Variants in BACE1 observed in about 807,000 individuals in gnomAD.
BACE1 encodes APP beta-secretase.
A neutral mutation model predicts 54.0 loss-of-function variants in BACE1; 21 were observed. The observed-to-expected ratio is 0.39, with a 90% CI of 0.28 to 0.56. The LOEUF (loss-of-function observed/expected upper bound fraction) is 0.56. Ranked by LOEUF, BACE1 falls within the 20% of genes least tolerant of loss-of-function variation. BACE1 has a pLI of 0.63. For synonymous variants in BACE1, 232 were observed against 260.9 expected (o/e 0.89, Z 1.07); for missense variants, 511 against 661.2 (o/e 0.77, Z 2.49).
At chr11:117,295,512 T>C in intron 2 of BACE1, 165 bp from the exon 3 acceptor site, 1 of 1,535,050 alleles carries the variant, frequency 6.5e-7, no homozygotes, top group Non-Finnish European at 8.7e-7. Flanking sequence ...CAGAACAGAG[T>C]GTAAAGTGGG....
Position 117,293,904 on chromosome 11 carries a change from C to T in BACE1, c.672G>A (p.Gln224=), listed in dbSNP as rs1232841467. ...CTCCGACAGAGGCCAGCACTTCAGA[C>T]TGGTTGAGGGGGAAGCCAGCACCAC... ...QLCGAGFPLN[Q]SEVLASVGGS... The change falls in exon 4 of 9, where the codon CAG becomes CAA. Residue 224 remains glutamine, a synonymous_variant. Transcript: ENST00000313005. The surrounding 1 kb of genome is among the most constrained non-coding windows in gnomAD (Gnocchi z 4.1). The T allele has an allele frequency of 6.2e-7, 1 of 1,613,742 alleles. No individual in the cohort carries two copies. The highest frequency in any genetic ancestry group is 8.5e-7 in the Non-Finnish European group (1 of 1,179,860).
intron 1 of BACE1, among the ~76,000 whole-genome samples, chr11:117,306,461 C>A (rs1209759595): frequency 6.6e-6 from 1 of 152,140 alleles, no homozygotes; most frequent in African/African-American, 2.4e-5. Context: ...TTGGGAGATG[C>A]TAGAACTCAC....
intron 1 of BACE1, among the ~76,000 whole-genome samples, chr11:117,311,235 C>T (rs2034937316): frequency 6.6e-6 from 1 of 152,066 alleles, no homozygotes; most frequent in South Asian, 2.1e-4. Context: ...CCAAGTTACT[C>T]AGGAGCCTGA....
rs1330456602 is a variant in BACE1, at chr11:117,295,234, GT to G, written c.463del (p.Thr155LeufsTer48). 6.2e-7 allele frequency: 1 copy of G among 1,614,122 alleles called. No individual in the cohort carries two copies. Among genetic ancestry groups the G allele is most frequent in the Non-Finnish European group, 8.5e-7 (1 of 1,180,046 alleles). Reference protein sequence around the residue: ...LVSIPHGPNVTVRANIAAITE... With the variant: ...LVSIPHGPNVXVRANIAAITE... ...GATGGCAGCAATGTTGGCACGCACAGTGACGTTGGGGCCATGGGGGATGCTT... is the reference window on the plus strand; with the variant it reads ...GATGGCAGCAATGTTGGCACGCACAGGACGTTGGGGCCATGGGGGATGCTT... On this transcript the variant is annotated frameshift_variant, in exon 3 of 9. Coordinates refer to ENST00000313005, the MANE Select transcript of BACE1 (RefSeq NM_012104.6). LOFTEE classifies it high-confidence loss of function.
At chr11:117,299,778 G>C (rs2034681664) in intron 1 of BACE1, 1 of 287,340 alleles carries the variant, frequency 3.5e-6, no homozygotes, top group South Asian at 2.7e-5. Context: ...GATTAAGAAG[G>C]CTTCTTCACC....
Position 117,291,737 on chromosome 11 carries a change from A to G in BACE1, c.917T>C (p.Val306Ala), listed in dbSNP as rs1275924663. The stretch of plus-strand genomic sequence containing the variant: ...GGAGGAGGCTGCCTTGATGGATTTG[A>G]CTGCAGCTTCAAACACTTTCTTGGG... ...RLPKKVFEAA[V>A]KSIKAASSTE... is the part of the protein sequence containing the mutation. Residue 306 changes from valine (V) to alanine (A), a missense_variant, in exon 6 of 9, where the codon GTC (valine) becomes GCC (alanine). Physicochemically the swap from Val to Ala is moderately conservative, Grantham distance 64. Around this residue, in one of 2 missense-constraint regions of BACE1, gnomAD observed 407 missense variants for 565.7 expected, o/e 0.72. Coordinates refer to ENST00000313005, the MANE Select transcript of BACE1 (RefSeq NM_012104.6). The G allele has an allele frequency of 6.2e-7, 1 of 1,613,276 alleles. No homozygotes were observed. The highest frequency in any genetic ancestry group is 1.3e-5 in the African/African-American group (1 of 74,882).
chr11:117,304,471 GA>G (rs1371182637), intron 1 of BACE1, among the ~76,000 whole-genome samples: 3 of 152,210 alleles, frequency 2.0e-5, no homozygotes, highest in Non-Finnish European at 4.4e-5. Flanking sequence ...CAAACTATCT[GA>G]ATTAAATCCT....
Position 117,295,138 on chromosome 11 carries a change from A to G in BACE1, c.560T>C (p.Ile187Thr). 6.2e-7 allele frequency: 1 copy of G among 1,614,026 alleles called. No homozygotes were observed. The highest frequency in any genetic ancestry group is 8.5e-7 in the Non-Finnish European group (1 of 1,179,960). The change falls in exon 3 of 9, where the codon ATT (isoleucine) becomes ACT (threonine). Residue 187 changes from isoleucine to threonine, a missense_variant. By Grantham distance (89) the Ile-to-Thr change is moderately conservative. Coordinates refer to ENST00000313005, the MANE Select transcript of BACE1 (RefSeq NM_012104.6). ...EGILGLAYAEIARPDDSLEPF... is the reference protein window; with the variant it reads ...EGILGLAYAETARPDDSLEPF... ...AAGCCCTGTTCCTCTCACCCTGGCA[A>G]TCTCAGCATAGGCCAGCCCCAGGAT...
At chr11:117,290,682 TGA>T in intron 7 of BACE1, 23 bp from the exon 8 acceptor site, 1 of 1,611,978 alleles carries the variant, frequency 6.2e-7, no homozygotes, top group Admixed American at 1.7e-5. Flanking sequence ...AATCACAGGG[TGA>T]GTGTCTTCCT....
Position 117,286,358 on chromosome 11 carries a change from A to C in BACE1, c.*3208T>G, listed in dbSNP as rs2034260505. 6.6e-6 allele frequency: 1 copy of C among 152,188 alleles called. No homozygotes were observed. Among genetic ancestry groups the C allele is most frequent in the African/African-American group, 2.4e-5 (1 of 41,442 alleles). 9.4% of individuals were successfully genotyped at this position (152,188 alleles called of 1,614,324 possible). On this transcript the variant is annotated 3_prime_UTR_variant, in exon 9 of 9. Transcript: ENST00000313005. The stretch of plus-strand genomic sequence containing the variant: ...TTATACCTGGGAAAGCTGTGACTCT[A>C]TTAGAGCTTTGAATCTTTTCCTATC...
In BACE1 at chr11:117,293,036, C is replaced by T. The variant is rs750492602; in HGVS notation, c.840+18G>A. The T allele has an allele frequency of 1.9e-6, 3 of 1,613,124 alleles. No homozygotes were observed. The highest frequency in any genetic ancestry group is 1.1e-5 in the South Asian group (1 of 90,856). ...GCCTACCCCCTTATGTTCCCAGGCT[C>T]TCCCTTGGTTTTCTTACCTCCTTGC... On this transcript the variant is annotated intron_variant, in intron 5 of 8. Coordinates refer to ENST00000313005, the MANE Select transcript of BACE1 (RefSeq NM_012104.6). This position sits in a 1 kb window ranked among gnomAD's most constrained non-coding sequence, Gnocchi z 4.1.
intron 1 of BACE1, among the ~76,000 whole-genome samples, chr11:117,310,130 A>C (rs2034913861): frequency 6.6e-6 from 1 of 152,124 alleles, no homozygotes; most frequent in Non-Finnish European, 1.5e-5. Context: ...GCTGGTCTCC[A>C]ATTCCCAGCC....
At chr11:117,297,660 T>C (rs1043376936) in intron 1 of BACE1, among the ~76,000 whole-genome samples, 2 of 151,906 alleles carry the variant, frequency 1.3e-5, no homozygotes, top group African/African-American at 2.4e-5. Flanking sequence ...AAAATAGTTA[T>C]GGGAGGGATA....
intron 1 of BACE1, among the ~76,000 whole-genome samples, chr11:117,300,919 CCTCT>C (rs570995839): frequency 6.6e-6 from 1 of 151,998 alleles, no homozygotes; most frequent in African/African-American, 2.4e-5. Flanking sequence ...CCTCCAGTCC[CCTCT>C]CTCCTCTCCC....
In BACE1 at chr11:117,295,194, C is replaced by T; in HGVS notation, c.504G>A (p.Lys168=). The change falls in exon 3 of 9, where the codon AAG becomes AAA. Residue 168 remains lysine, a synonymous_variant. Coordinates refer to ENST00000313005, the MANE Select transcript of BACE1 (RefSeq NM_012104.6). The part of the protein sequence containing the change: ...ANIAAITESD[K]FFINGSNWEG... Reference sequence around the variant, plus strand: ...CCCAGTTGGAGCCGTTGATGAAGAACTTGTCTGATTCAGTGATGGCAGCAA... The same window carrying T: ...CCCAGTTGGAGCCGTTGATGAAGAATTTGTCTGATTCAGTGATGGCAGCAA... The T allele has an allele frequency of 1.2e-6, 2 of 1,614,194 alleles. No homozygotes were observed. The highest frequency in any genetic ancestry group is 1.7e-6 in the Non-Finnish European group (2 of 1,180,036).
rs528722309 is a variant in BACE1, at chr11:117,287,443, CTT to C, written c.*2121_*2122del. 6.6e-6 allele frequency: 1 copy of C among 152,336 alleles called. No individual in the cohort carries two copies. Among genetic ancestry groups the C allele is most frequent in the Non-Finnish European group, 1.5e-5 (1 of 67,964 alleles). The allele number at this position is 152,336 out of a possible 1,614,324, so 9.4% of individuals were successfully genotyped here. ...TACAAGCAAGAAGCTGTTGTTAAGA[CTT>C]TTTTTTACACTTAGAGTTTATAATT... On this transcript the variant is annotated 3_prime_UTR_variant, in exon 9 of 9. Coordinates refer to ENST00000313005, the MANE Select transcript of BACE1 (RefSeq NM_012104.6).
intron 5 of BACE1, 112 bp from the exon 6 acceptor site, chr11:117,291,925 C>T: frequency 1.5e-6 from 1 of 662,530 alleles, no homozygotes; most frequent in Non-Finnish European, 2.8e-6. Flanking sequence ...GGCTTTGGCA[C>T]CTCCTAAGTG....
intron 1 of BACE1, chr11:117,299,844 G>A (rs980391674): frequency 3.8e-6 from 1 of 265,776 alleles, no homozygotes; most frequent in African/African-American, 2.4e-5. Context: ...CCCAGCATGG[G>A]GGGCTGGCCT....
chr11:117,305,954 T>A (rs1205303755), intron 1 of BACE1, among the ~76,000 whole-genome samples: 1 of 152,084 alleles, frequency 6.6e-6, no homozygotes, highest in Non-Finnish European at 1.5e-5. Flanking sequence ...GAGAATGGCG[T>A]GAACCCAGGA....
Sources: gnomAD v4.1 joint callset for allele counts (sites outside exome capture counted in the v4.1 genomes callset) on GRCh38, gnomAD v4.1.1 for gene constraint, gnomAD v4.1.1 regional missense constraint, Gnocchi (gnomAD v3.1) non-coding constraint, MANE v1.5 for transcripts, NCBI Gene and HGNC (gene_info 2026-07-23, HGNC 2026-07-21) for gene names.